Variants in SIPA1L2 observed in about 807,000 individuals in gnomAD.
SIPA1L2 encodes signal induced proliferation associated 1 like 2.
A neutral mutation model predicts 163.9 loss-of-function variants in SIPA1L2; 56 were observed. That is an observed-to-expected ratio of 0.34 (90% CI 0.28 to 0.43). The LOEUF (loss-of-function observed/expected upper bound fraction) is 0.43, where lower values mean the gene tolerates loss of function less well. Among genes scored for constraint, SIPA1L2 ranks in the 20% least tolerant of loss-of-function variants. The probability of loss-of-function intolerance (pLI) is 1.00; values close to 1 mark genes in which losing one functional copy is unlikely to be tolerated. For synonymous variants in SIPA1L2, 877 were observed against 865.7 expected, an observed-to-expected ratio of 1.01 and a Z score of -0.23; for missense variants, 1,974 against 2,193.5, an observed-to-expected ratio of 0.90 and a Z score of 2.00.
intron 19 of SIPA1L2, among the ~76,000 whole-genome samples, chr1:232,414,418 T>A (rs527666701): frequency 6.6e-6 from 1 of 152,168 alleles, no homozygotes; most frequent in Non-Finnish European, 1.5e-5. Flanking sequence ...GCATTTTGAC[T>A]TCAAATGCAC....
intron 1 of SIPA1L2, among the ~76,000 whole-genome samples, chr1:232,618,887 GTTTTATGACACAGTCTA>G: frequency 6.6e-6 from 1 of 152,128 alleles, no homozygotes; most frequent in Admixed American, 6.5e-5. Flanking sequence ...TTTTCCTTTA[GTTTTATGACACAGTCTA>G]TAACCTTCAG....
intron 1 of SIPA1L2, among the ~76,000 whole-genome samples, chr1:232,578,556 C>T (rs1360443020): frequency 4.6e-5 from 7 of 152,112 alleles, no homozygotes; most frequent in South Asian, 2.1e-4. Flanking sequence ...TATGCCGATA[C>T]GTTATGAAGT....
chr1:232,516,660 C>G (rs905739986), intron 2 of SIPA1L2, among the ~76,000 whole-genome samples: 6 of 151,502 alleles, frequency 4.0e-5, no homozygotes, highest in Non-Finnish European at 7.4e-5. Context: ...AGGGAGAAAG[C>G]AACTGCCACC....
In SIPA1L2 at chr1:232,626,230, C is replaced by CTTTT. The variant is rs56703620; in HGVS notation, c.-319+3635_-319+3638dup. On this transcript the variant is annotated intron_variant, in intron 1 of 22. Transcript: ENST00000674635. ...CATATCTGACAATCCCTAATATTTG[C>CTTTT]TTTTTTTTTTTTTTTTCATTTTACA... Among the ~76,000 whole-genome samples, 820 of 133,686 alleles carry CTTTT rather than the reference C, an allele frequency of 6.1e-3. 18 individuals carry two copies. Among genetic ancestry groups the CTTTT allele is most frequent in the African/African-American group, 0.021 (753 of 35,250 alleles). The allele number at this position is 133,686 out of a possible 152,430, so 87.7% of individuals were successfully genotyped here. A position where few individuals can be genotyped will look rare whatever the true frequency, so the allele number is the denominator to read the frequency against.
At chr1:232,517,657 T>A (rs1053602815) in intron 2 of SIPA1L2, among the ~76,000 whole-genome samples, 1 of 152,262 alleles carries the variant, frequency 6.6e-6, no homozygotes, top group African/African-American at 2.4e-5. Flanking sequence ...CATTTGTAGC[T>A]TTCTCAATGT....
At position 232,428,421 on chromosome 1, in the gene SIPA1L2, C is replaced by T; in HGVS notation, c.4400G>A (p.Gly1467Glu). The change falls in exon 17 of 23, where the codon GGG (glycine) becomes GAG (glutamate). Residue 1467 changes from glycine (G) to glutamate (E), a missense_variant. Physicochemically the swap from Gly to Glu is moderately conservative, Grantham distance 98. Coordinates refer to ENST00000674635, the MANE Select transcript of SIPA1L2 (RefSeq NM_020808.5). ...MLPDSPLVEE[G>E]RRKFSFYGNL... Reference sequence around the variant, plus strand: ...CCCTAAGTCACTAACCTTTCTTCGCCCCTCCTCCACTAAGGGGCTGTCAGG... The same window carrying T: ...CCCTAAGTCACTAACCTTTCTTCGCTCCTCCTCCACTAAGGGGCTGTCAGG... 6.5e-7 allele frequency: 1 copy of T among 1,546,724 alleles called. No homozygotes were observed. The highest frequency in any genetic ancestry group is 8.7e-7 in the Non-Finnish European group (1 of 1,149,504).
intron 15 of SIPA1L2, among the ~76,000 whole-genome samples, chr1:232,432,798 G>C (rs1386674809): frequency 6.6e-6 from 1 of 152,204 alleles, no homozygotes; most frequent in African/African-American, 2.4e-5. Context: ...ATATTTGTCG[G>C]AGAAGGTGCT....
At chr1:232,618,419 G>T (rs1318241067) in intron 1 of SIPA1L2, among the ~76,000 whole-genome samples, 1 of 152,128 alleles carries the variant, frequency 6.6e-6, no homozygotes, top group Non-Finnish European at 1.5e-5. Flanking sequence ...ACTTTAGGAG[G>T]CCAAGGCGGG....
chr1:232,521,675 A>G (rs1667465720), intron 2 of SIPA1L2, among the ~76,000 whole-genome samples: 1 of 152,180 alleles, frequency 6.6e-6, no homozygotes, highest in Non-Finnish European at 1.5e-5. Context: ...CAAAGTCCTG[A>G]GTCGACACAG....
intron 2 of SIPA1L2, among the ~76,000 whole-genome samples, chr1:232,543,273 A>C (rs929029276): frequency 2.0e-5 from 3 of 152,210 alleles, no homozygotes; most frequent in African/African-American, 7.2e-5. Flanking sequence ...TAATTTACCA[A>C]AACACTTTTT....
chr1:232,446,162 T>TA (rs1663207548), intron 10 of SIPA1L2, among the ~76,000 whole-genome samples: 1 of 151,794 alleles, frequency 6.6e-6, no homozygotes, highest in South Asian at 2.1e-4. Flanking sequence ...AATACACAGC[T>TA]AAAAAAAATT....
chr1:232,464,621 T>C (rs1201326082), intron 9 of SIPA1L2, among the ~76,000 whole-genome samples: 2 of 152,190 alleles, frequency 1.3e-5, no homozygotes, highest in African/African-American at 4.8e-5. Flanking sequence ...GGCTTAACTT[T>C]TCTTTTCCAA....
rs1393698727 is a variant in SIPA1L2, at chr1:232,428,425, C to T, written c.4396G>A (p.Glu1466Lys). 2.6e-6 allele frequency: 4 copies of T among 1,556,792 alleles called. No homozygotes were observed. ...LMLPDSPLVE[E>K]GRRKFSFYGN... ...AAGTCACTAACCTTTCTTCGCCCCTCCTCCACTAAGGGGCTGTCAGGAAGC... is the reference window on the plus strand; with the variant it reads ...AAGTCACTAACCTTTCTTCGCCCCTTCTCCACTAAGGGGCTGTCAGGAAGC... The change falls in exon 17 of 23, where the codon GAG (glutamate) becomes AAG (lysine). Residue 1466 changes from glutamate to lysine, a missense_variant. Transcript: ENST00000674635.
At chr1:232,501,262 C>T (rs1419634796) in intron 3 of SIPA1L2, among the ~76,000 whole-genome samples, 2 of 151,968 alleles carry the variant, frequency 1.3e-5, no homozygotes, top group African/African-American at 4.8e-5. Flanking sequence ...GTACACTGTT[C>T]TTTTAGATAT....
Position 232,439,428 on chromosome 1 carries a change from A to C in SIPA1L2, c.3711T>G (p.Ser1237Arg). 6.2e-7 allele frequency: 1 copy of C among 1,614,202 alleles called. No individual in the cohort carries two copies. Among genetic ancestry groups the C allele is most frequent in the Non-Finnish European group, 8.5e-7 (1 of 1,180,040 alleles). ...NTLSSNTSSN[S>R]DDKHFGSGDL... The stretch of plus-strand genomic sequence containing the variant: ...CGCCAGACCCAAAGTGCTTGTCGTC[A>C]CTGTTGCTGGAGGTGTTGCTGGAGA... Residue 1237 changes from serine (S) to arginine (R), a missense_variant, in exon 15 of 23, where the codon AGT becomes AGG. Physicochemically the swap from Ser to Arg is moderately radical, Grantham distance 110. This residue lies in a region of SIPA1L2 where 1,079 missense variants were observed against 1,150.7 expected (regional missense o/e 0.94). Coordinates refer to ENST00000674635, the MANE Select transcript of SIPA1L2 (RefSeq NM_020808.5).
Position 232,399,117 on chromosome 1 carries a change from T to G in SIPA1L2, c.*10A>C. On this transcript the variant is annotated 3_prime_UTR_variant, in exon 23 of 23. Transcript: ENST00000674635. ...ATTTCCCAGTGGTCCCTTGATGAGG[T>G]GCGGATTGGCTAAGATTTTTTGTCG... 6.2e-7 allele frequency: 1 copy of G among 1,614,084 alleles called. No individual in the cohort carries two copies. Among genetic ancestry groups the G allele is most frequent in the South Asian group, 1.1e-5 (1 of 91,074 alleles).
Position 232,483,883 on chromosome 1 carries a change from C to G in SIPA1L2, c.1890G>C (p.Ala630=). 6.2e-7 allele frequency: 1 copy of G among 1,614,008 alleles called. No individual in the cohort carries two copies. The highest frequency in any genetic ancestry group is 8.5e-7 in the Non-Finnish European group (1 of 1,179,926). ...TEEEMYNNET[A]GPAFEEFLDL... ...CAAGGAATTCTTCAAAAGCTGGTCC[C>G]GCCGTCTCATTGTTATACATCTCTT... The change falls in exon 6 of 23, where the codon GCG becomes GCC. Residue 630 remains alanine, a synonymous_variant. Transcript: ENST00000674635.
chr1:232,546,135 T>C (rs564717792), intron 2 of SIPA1L2, among the ~76,000 whole-genome samples: 1 of 152,220 alleles, frequency 6.6e-6, no homozygotes, highest in South Asian at 2.1e-4. Flanking sequence ...GTGATTTGGA[T>C]AGATAAATTG....
At chr1:232,540,946 G>A (rs547292712) in intron 2 of SIPA1L2, among the ~76,000 whole-genome samples, 35 of 152,186 alleles carry the variant, frequency 2.3e-4, no homozygotes, top group Admixed American at 1.6e-3. Flanking sequence ...TCTTTTGCAG[G>A]GACATGGATG....
Sources: gnomAD v4.1 joint callset for allele counts (sites outside exome capture counted in the v4.1 genomes callset) on GRCh38, gnomAD v4.1.1 for gene constraint, gnomAD v4.1.1 regional missense constraint, MANE v1.5 for transcripts, NCBI Gene and HGNC (gene_info 2026-07-23, HGNC 2026-07-21) for gene names.